The following ZSCAN5A variants were observed in gnomAD, a reference collection of about 807,000 sequenced individuals.
ZSCAN5A encodes zinc finger and SCAN domain-containing protein 5A.
A neutral mutation model predicts 23.7 loss-of-function variants in ZSCAN5A; 12 were observed. The observed-to-expected ratio is 0.51, with a 90% CI of 0.32 to 0.82. ZSCAN5A has a LOEUF of 0.82. Among genes scored for constraint, ZSCAN5A ranks in the 40% least tolerant of loss-of-function variants. The probability of loss-of-function intolerance (pLI) is 0.03; values close to 1 mark genes in which losing one functional copy is unlikely to be tolerated. For synonymous variants in ZSCAN5A, 257 were observed against 239.9 expected, an observed-to-expected ratio of 1.07 and a Z score of -0.66; for missense variants, 597 against 617.9, an observed-to-expected ratio of 0.97 and a Z score of 0.36.
chr19:56,353,640 C>T (rs536010167), intron 2 of ZSCAN5A, among the ~76,000 whole-genome samples: 20 of 151,724 alleles, frequency 1.3e-4, no homozygotes, highest in African/African-American at 4.4e-4. Flanking sequence ...AAATTAGCTG[C>T]GCGTGGTGGC....
At chr19:56,328,818 T>A (rs1029569743) in intron 2 of ZSCAN5A, among the ~76,000 whole-genome samples, 13 of 145,216 alleles carry the variant, frequency 9.0e-5, no homozygotes, top group Admixed American at 4.8e-4. Flanking sequence ...TGAAACCCCA[T>A]CTCTACTAAA....
chr19:56,317,945 T>G (rs1415273535), upstream of ZSCAN5A: 1 of 152,232 alleles, frequency 6.6e-6, no homozygotes, highest in Non-Finnish European at 1.5e-5. Context: ...TGAGAAGGTA[T>G]GTTCCCTTTT....
At chr19:56,228,095 A>C (rs929339556) in intron 2 of ZSCAN5A, among the ~76,000 whole-genome samples, 4 of 152,178 alleles carry the variant, frequency 2.6e-5, no homozygotes, top group Non-Finnish European at 5.9e-5. Context: ...CAGAAGCGTT[A>C]CATAACGAGT....
At chr19:56,301,995 C>T (rs2040265254) in intron 2 of ZSCAN5A, 1 of 1,232,106 alleles carries the variant, frequency 8.1e-7, no homozygotes, top group East Asian at 3.2e-5. Context: ...ACCACCCCAT[C>T]CAGGAAACCA....
chr19:56,258,067 ACT>A (rs373983511), intron 2 of ZSCAN5A, among the ~76,000 whole-genome samples: 22 of 66,934 alleles, frequency 3.3e-4, no homozygotes, highest in Non-Finnish European at 5.6e-4. Context: ...GCGCCGGGAG[ACT>A]CTGCAAGCCT....
chr19:56,302,631 T>C (rs1189548382), intron 2 of ZSCAN5A, among the ~76,000 whole-genome samples: 5 of 112,214 alleles, frequency 4.5e-5, no homozygotes, highest in African/African-American at 7.3e-5. Flanking sequence ...CCCTCCCTCC[T>C]CCTCCCTTCC....
chr19:56,297,541 T>G (rs2039959324), intron 2 of ZSCAN5A: 11 of 984,580 alleles, frequency 1.1e-5, no homozygotes, highest in Non-Finnish European at 1.3e-5. Flanking sequence ...GGTAAGTGCT[T>G]GGGGTCGTAC....
At chr19:56,354,256 A>G (rs2041687675) in intron 2 of ZSCAN5A, among the ~76,000 whole-genome samples, 2 of 146,844 alleles carry the variant, frequency 1.4e-5, no homozygotes, top group Non-Finnish European at 3.0e-5. Context: ...ACTGAACCGG[A>G]CACTTACAAA....
At chr19:56,339,157 G>C (rs1254723035) in intron 2 of ZSCAN5A, among the ~76,000 whole-genome samples, 2 of 152,288 alleles carry the variant, frequency 1.3e-5, no homozygotes, top group African/African-American at 4.8e-5. Context: ...TTGCAAACCA[G>C]AAGGTGTCTG....
intron 2 of ZSCAN5A, among the ~76,000 whole-genome samples, chr19:56,249,722 C>T (rs2036209953): frequency 6.6e-6 from 1 of 152,168 alleles, no homozygotes; most frequent in African/African-American, 2.4e-5. Context: ...ACTCAGGTGC[C>T]TATTTTATTG....
At chr19:56,336,257 A>C (rs1198196994) in intron 2 of ZSCAN5A, among the ~76,000 whole-genome samples, 1 of 152,172 alleles carries the variant, frequency 6.6e-6, no homozygotes, top group African/African-American at 2.4e-5. Context: ...AGATAGTCCC[A>C]TATTTCTTGG....
rs1219405212 is a variant in ZSCAN5A at position 56,352,771 on chromosome 19, T to C, written c.-358+10464A>G. 6.6e-6 allele frequency among the ~76,000 whole-genome samples: 1 copy of C among 152,148 alleles called. No homozygotes were observed. Among genetic ancestry groups the C allele is most frequent in the African/African-American group, 2.4e-5 (1 of 41,412 alleles). Reference sequence around the variant, plus strand: ...TCAGGTATCAAGGATGGGGGGATTCTCATTACCCTTGTTGAAACTGGGTGC... The same window carrying C: ...TCAGGTATCAAGGATGGGGGGATTCCCATTACCCTTGTTGAAACTGGGTGC... On this transcript the variant is annotated intron_variant, in intron 2 of 6. Transcript: ENST00000587340. The surrounding 1 kb of genome is among the most constrained non-coding windows in gnomAD (Gnocchi z 4.2).
chr19:56,284,997 G>A (rs1362153551), intron 2 of ZSCAN5A: 2 of 985,126 alleles, frequency 2.0e-6, no homozygotes, highest in African/African-American at 3.5e-5. Context: ...TTCTTCCTCA[G>A]GTCTCATGAG....
intron 2 of ZSCAN5A, among the ~76,000 whole-genome samples, chr19:56,270,315 G>C (rs540419685): frequency 9.2e-5 from 14 of 152,274 alleles, no homozygotes; most frequent in African/African-American, 3.4e-4. Context: ...CTACTCAGGA[G>C]GCTGAGGCAG....
intron 2 of ZSCAN5A, chr19:56,245,176 T>G (rs2035772333): frequency 2.0e-6 from 1 of 503,226 alleles, no homozygotes; most frequent in Non-Finnish European, 3.6e-6. Flanking sequence ...TGAGAGCTAC[T>G]TTCAGGTTCT....
At chr19:56,301,949 T>C (rs1317216921) in intron 2 of ZSCAN5A, 2 of 1,231,638 alleles carry the variant, frequency 1.6e-6, no homozygotes, top group African/African-American at 3.1e-5. Context: ...GCATCAATCA[T>C]CTCCACGGTT....
chr19:56,348,650 C>T (rs967832214), intron 2 of ZSCAN5A, among the ~76,000 whole-genome samples: 3 of 152,194 alleles, frequency 2.0e-5, no homozygotes, highest in African/African-American at 7.2e-5. Context: ...GCTCTCCATG[C>T]TCATGCTGGG....
chr19:56,281,400 CTG>C (rs2038694238), intron 2 of ZSCAN5A, among the ~76,000 whole-genome samples: 1 of 152,036 alleles, frequency 6.6e-6, no homozygotes, highest in Non-Finnish European at 1.5e-5. Context: ...AAATATATAT[CTG>C]TAAGATTAAT....
At chr19:56,363,008 C>G (rs1175768650) in intron 2 of ZSCAN5A, among the ~76,000 whole-genome samples, 1 of 152,056 alleles carries the variant, frequency 6.6e-6, no homozygotes, top group Non-Finnish European at 1.5e-5. Context: ...AAAAAATTTA[C>G]TACTTCATAA....
Sources: gnomAD v4.1 joint callset for allele counts (sites outside exome capture counted in the v4.1 genomes callset) on GRCh38, gnomAD v4.1.1 for gene constraint, Gnocchi (gnomAD v3.1) non-coding constraint, MANE v1.5 for transcripts, NCBI Gene and HGNC (gene_info 2026-07-23, HGNC 2026-07-21) for gene names.